The following FAT2 variants were observed in gnomAD, a reference collection of about 807,000 sequenced individuals.
FAT2 encodes protocadherin Fat 2.
A neutral mutation model predicts 295.3 loss-of-function variants in FAT2; 150 were observed. That is an observed-to-expected ratio of 0.51 (90% CI 0.44 to 0.58). The LOEUF is 0.58. Among genes scored for constraint, FAT2 ranks in the 20% least tolerant of loss-of-function variants. The probability of loss-of-function intolerance (pLI) is 0.00; values close to 1 mark genes in which losing one functional copy is unlikely to be tolerated. For missense variants in FAT2, 4,868 were observed against 5,442.7 expected (o/e 0.89, Z 3.32); for synonymous variants, 2,026 against 2,150.3 (o/e 0.94, Z 1.60).
chr5:151,556,126 AT>A, intron 4 of FAT2: 1 of 573,780 alleles, frequency 1.7e-6, no homozygotes, highest in Non-Finnish European at 3.1e-6. Flanking sequence ...TAATCAATCA[AT>A]GGTGCCTACC....
In FAT2 at chr5:151,545,375, T is replaced by C. The variant is rs778588073; in HGVS notation, c.5752A>G (p.Ile1918Val). 5.1e-5 allele frequency: 82 copies of C among 1,614,052 alleles called. 3 individuals are homozygous for C. The highest frequency in any genetic ancestry group is 3.0e-5 in the Non-Finnish European group (35 of 1,180,030). Residue 1918 changes from isoleucine to valine, a missense_variant, in exon 10 of 24, where the codon ATC (isoleucine) becomes GTC (valine). Ile to Val is a conservative substitution (Grantham distance 29, BLOSUM62 3). Coordinates refer to ENST00000261800, the MANE Select transcript of FAT2 (RefSeq NM_001447.3). ...KTGNADEAVT[I>V]HPVTGSISVL... Reference sequence around the variant, plus strand: ...GATATGCTACCAGTGACAGGATGGATGGTAACAGCTTCATCAGCATTGCCA... The same window carrying C: ...GATATGCTACCAGTGACAGGATGGACGGTAACAGCTTCATCAGCATTGCCA...
intron 12 of FAT2, among the ~76,000 whole-genome samples, 172 bp from the exon 13 acceptor site, chr5:151,534,814 T>C (rs1215224782): frequency 2.0e-5 from 3 of 151,468 alleles, no homozygotes; most frequent in Non-Finnish European, 4.4e-5. Context: ...ATACCCATTC[T>C]CCTCCCTGAT....
In FAT2 at chr5:151,517,627, G is replaced by A; in HGVS notation, c.11456C>T (p.Ser3819Phe). 6.2e-7 allele frequency: 1 copy of A among 1,614,082 alleles called. No individual in the cohort carries two copies. The highest frequency in any genetic ancestry group is 8.5e-7 in the Non-Finnish European group (1 of 1,180,030). ...LLFTNETASV[S>F]LKLASGVPQL... ...AGGCTGGCAGTGCCTTACCTTCAGGGAGACGGACGCTGTTTCATTGGTGAA... is the reference window on the plus strand; with the variant it reads ...AGGCTGGCAGTGCCTTACCTTCAGGAAGACGGACGCTGTTTCATTGGTGAA... The change falls in exon 20 of 24, where the codon TCC becomes TTC. Residue 3819 changes from serine to phenylalanine, a missense_variant. By Grantham distance (155) the Ser-to-Phe change is radical. Transcript: ENST00000261800.
chr5:151,568,051 C>T lies in FAT2; in HGVS notation c.881G>A (p.Gly294Asp), dbSNP rs780852118. ...GGCTTTGAAGTGCTTTCCAGGGTCA[C>T]CACCAACAACTTCCACTGACTCCAC... ...AEVESVEVVG[G>D]DPGKHFKAIK... The change falls in exon 2 of 24, where the codon GGT (glycine) becomes GAT (aspartate). Residue 294 changes from glycine to aspartate, a missense_variant. Physicochemically the swap from Gly to Asp is moderately conservative, Grantham distance 94 (BLOSUM62 -1). Transcript: ENST00000261800. 1.9e-6 allele frequency: 3 copies of T among 1,614,210 alleles called. No individual in the cohort carries two copies. Among genetic ancestry groups the T allele is most frequent in the East Asian group, 4.5e-5 (2 of 44,880 alleles).
chr5:151,581,900 T>A (rs939496172), intron 1 of FAT2, among the ~76,000 whole-genome samples: 2 of 152,020 alleles, frequency 1.3e-5, no homozygotes, highest in Non-Finnish European at 1.5e-5. Context: ...TCAGCATAGG[T>A]TTCATTTCCA....
chr5:151,590,138 C>T (rs1458913030), intron 1 of FAT2, among the ~76,000 whole-genome samples: 1 of 152,186 alleles, frequency 6.6e-6, no homozygotes, highest in Non-Finnish European at 1.5e-5. Context: ...AGGAAGCATT[C>T]AACGAGCATA....
chr5:151,545,735 A>G lies in FAT2; in HGVS notation c.5392T>C (p.Ser1798Pro). Reference sequence around the variant, plus strand: ...TCCAAAATTTTATAGACCAACAAGGAATTAGCTTCTTTGTCACTGTCAGAG... The same window carrying G: ...TCCAAAATTTTATAGACCAACAAGGGATTAGCTTCTTTGTCACTGTCAGAG... ...HASDSDKEAN[S>P]LLVYKILEPE... The change falls in exon 10 of 24, where the codon TCC becomes CCC. Residue 1798 changes from serine to proline, a missense_variant. By Grantham distance (74) the Ser-to-Pro change is moderately conservative (BLOSUM62 -1). Transcript: ENST00000261800. 6.2e-7 allele frequency: 1 copy of G among 1,614,058 alleles called. No homozygotes were observed. Among genetic ancestry groups the G allele is most frequent in the East Asian group, 2.2e-5 (1 of 44,888 alleles).
chr5:151,552,540 C>A (rs1267054007), intron 6 of FAT2, among the ~76,000 whole-genome samples: 1 of 152,166 alleles, frequency 6.6e-6, no homozygotes, highest in South Asian at 2.1e-4. Context: ...AGGGCCTATA[C>A]ATCCTCTAAA....
rs1426770120 is a variant in FAT2 at position 151,529,167 on chromosome 5, C to A, written c.10026+11G>T. ...TCTTGTCCCACAAAGAGCAAGGTGGCAGATCCTTACCGTGAGGATGACGTC... is the reference window on the plus strand; with the variant it reads ...TCTTGTCCCACAAAGAGCAAGGTGGAAGATCCTTACCGTGAGGATGACGTC... On this transcript the variant is annotated intron_variant, in intron 15 of 23. Transcript: ENST00000261800. The A allele has an allele frequency of 1.2e-6, 2 of 1,612,644 alleles. No homozygotes were observed. Among genetic ancestry groups the A allele is most frequent in the African/African-American group, 2.7e-5 (2 of 74,858 alleles).
upstream of FAT2, among the ~76,000 whole-genome samples, chr5:151,594,067 T>A (rs1385654914): frequency 3.3e-5 from 5 of 152,188 alleles, no homozygotes; most frequent in Non-Finnish European, 7.3e-5. Context: ...TTATCTAATT[T>A]CTCTGAATAC....
intron 22 of FAT2, 72 bp from the exon 23 acceptor site, chr5:151,507,683 A>G (rs1220031543): frequency 4.6e-5 from 64 of 1,378,444 alleles, no homozygotes; most frequent in Non-Finnish European, 6.0e-5. Flanking sequence ...ACAGAGATCT[A>G]TGGGATAGAG....
intron 1 of FAT2, among the ~76,000 whole-genome samples, chr5:151,580,005 G>A (rs894399143): frequency 3.9e-5 from 6 of 152,096 alleles, no homozygotes; most frequent in African/African-American, 1.4e-4. Flanking sequence ...GACTCCCTAG[G>A]GCACAGTTTG....
chr5:151,564,483 G>A (rs752691121), intron 2 of FAT2, among the ~76,000 whole-genome samples: 13 of 152,192 alleles, frequency 8.5e-5, no homozygotes, highest in Non-Finnish European at 4.4e-5. Context: ...GACAAAGGTT[G>A]CTGAAAGCCA....
intron 1 of FAT2, among the ~76,000 whole-genome samples, chr5:151,584,258 C>T (rs1382783793): frequency 6.6e-6 from 1 of 152,006 alleles, no homozygotes; most frequent in Non-Finnish European, 1.5e-5. Flanking sequence ...CAATGATTCC[C>T]TTTACCCTCC....
At chr5:151,561,602 G>C (rs1758019050) in intron 3 of FAT2, among the ~76,000 whole-genome samples, 1 of 152,164 alleles carries the variant, frequency 6.6e-6, no homozygotes, top group African/African-American at 2.4e-5. Flanking sequence ...TGTTGCCCAA[G>C]CAGCTCTTAA....
intron 20 of FAT2, among the ~76,000 whole-genome samples, chr5:151,514,015 G>A (rs1343278020): frequency 1.3e-5 from 2 of 152,134 alleles, no homozygotes; most frequent in African/African-American, 4.8e-5. Flanking sequence ...AGGACTGCCT[G>A]TGACCAAATA....
Position 151,521,978 on chromosome 5 carries a change from T to C in FAT2, c.10615A>G (p.Thr3539Ala), listed in dbSNP as rs752886589. 6.8e-6 allele frequency: 11 copies of C among 1,613,926 alleles called. No homozygotes were observed. In the African/African-American group the frequency reaches 1.5e-4, roughly 22 times the overall value. The change falls in exon 19 of 24, where the codon ACT becomes GCT. Residue 3539 changes from threonine (T) to alanine (A), a missense_variant. By Grantham distance (58) the Thr-to-Ala change is moderately conservative. Around this residue, in one of 5 missense-constraint regions of FAT2, gnomAD observed 1,046 missense variants for 1,210.1 expected, o/e 0.86. Coordinates refer to ENST00000261800, the MANE Select transcript of FAT2 (RefSeq NM_001447.3). ...PSALPLEIFI[T>A]VGEDEFQGGM... ...CCCTGGAACTCATCCTCTCCAACAG[T>C]GATGAAGATCTCCAGTGGGAGAGCA...
At chr5:151,530,091 A>G (rs760784724) in intron 14 of FAT2, among the ~76,000 whole-genome samples, 1 of 152,220 alleles carries the variant, frequency 6.6e-6, no homozygotes, top group African/African-American at 2.4e-5. Context: ...ATGAAAAGGT[A>G]TATCTATCTA....
rs189918169 is a variant in FAT2, at chr5:151,569,713, G to A, written c.-20-762C>T. On this transcript the variant is annotated intron_variant, in intron 1 of 23. Coordinates refer to ENST00000261800, the MANE Select transcript of FAT2 (RefSeq NM_001447.3). ...TTTCTGTGACTCCTTGGGCGATGGT[G>A]AGATAGTCCCAACTCTTAGCCAGGA... Among the ~76,000 whole-genome samples the A allele has an allele frequency of 7.5e-4, 114 of 152,354 alleles. 1 individual carries two copies. The highest frequency in any genetic ancestry group is 1.4e-3 in the Admixed American group (22 of 15,308).
Sources: allele counts gnomAD v4.1 joint callset (sites outside exome capture counted in the v4.1 genomes callset), GRCh38; gene constraint gnomAD v4.1.1; regional missense constraint gnomAD v4.1.1; transcripts MANE v1.5; gene names NCBI Gene and HGNC (gene_info 2026-07-23, HGNC 2026-07-21).